Variants in AFG2A observed in about 807,000 individuals in gnomAD.
AFG2A encodes the protein AAA ATPase AFG2A, also known as ATPase family gene 2 protein homolog A.
the AFG2A span, among the ~76,000 whole-genome samples, chr4:123,004,034 C>T: frequency 0.012 from 1,848 of 152,268 alleles, 42 homozygotes; most frequent in African/African-American, 0.041. Flanking sequence ...TCCCCAGCCT[C>T]GCTGCCGCCT....
chr4:122,981,308 C>A, the AFG2A span, among the ~76,000 whole-genome samples: 1,071 of 152,088 alleles, frequency 7.0e-3, 11 homozygotes, highest in African/African-American at 0.024. Flanking sequence ...TTCTTCGGTA[C>A]CTTTGCAGAT....
chr4:123,159,501 C>T, the AFG2A span, among the ~76,000 whole-genome samples: 2 of 152,118 alleles, frequency 1.3e-5, no homozygotes, highest in African/African-American at 4.8e-5. Flanking sequence ...TATGCATTGT[C>T]TCTGATTTCT....
chr4:123,133,072 G>A, the AFG2A span, among the ~76,000 whole-genome samples: 15 of 152,086 alleles, frequency 9.9e-5, no homozygotes, highest in African/African-American at 3.4e-4. Flanking sequence ...GAGCCACTGC[G>A]CCCAGCCGAT....
chr4:122,939,893 GTCC>G, the AFG2A span, among the ~76,000 whole-genome samples: 16 of 151,982 alleles, frequency 1.1e-4, no homozygotes, highest in Admixed American at 9.8e-4. Flanking sequence ...TTGGTTTTTT[GTCC>G]TTGCGATAGT....
chr4:123,085,861 G>T, the AFG2A span, among the ~76,000 whole-genome samples: 1,636 of 151,118 alleles, frequency 0.011, 35 homozygotes, highest in South Asian at 0.096. Context: ...AGTTTTTTGG[G>T]TTTTTTTGTT....
the AFG2A span, among the ~76,000 whole-genome samples, chr4:123,139,475 G>A: frequency 6.6e-6 from 1 of 151,794 alleles, no homozygotes; most frequent in Non-Finnish European, 1.5e-5. Context: ...AATATTTGAA[G>A]ATTAAAACTT....
At chr4:123,010,865 C>T in the AFG2A span, among the ~76,000 whole-genome samples, 4 of 152,224 alleles carry the variant, frequency 2.6e-5, no homozygotes, top group African/African-American at 9.6e-5. Flanking sequence ...GAGCCAATTC[C>T]CTAGTTGGTT....
the AFG2A span, among the ~76,000 whole-genome samples, chr4:123,198,612 G>A: frequency 6.6e-6 from 1 of 152,044 alleles, no homozygotes; most frequent in African/African-American, 2.4e-5. Context: ...CCATTAATTA[G>A]GACCATTAAA....
chr4:123,288,238 G>A, the AFG2A span, among the ~76,000 whole-genome samples: 1 of 152,126 alleles, frequency 6.6e-6, no homozygotes, highest in African/African-American at 2.4e-5. Flanking sequence ...GCTCTTCCAA[G>A]GAGAGTTGCT....
the AFG2A span, chr4:122,923,446 G>A: frequency 1.8e-6 from 2 of 1,127,468 alleles, no homozygotes; most frequent in Non-Finnish European, 2.5e-6. Context: ...AAGCGTGTAA[G>A]ACTTCTGTAT....
the AFG2A span, among the ~76,000 whole-genome samples, chr4:123,308,559 TC>T: frequency 6.6e-6 from 1 of 152,128 alleles, no homozygotes; most frequent in Non-Finnish European, 1.5e-5. Context: ...GGTTGTGCAC[TC>T]CTTATGAGAG....
chr4:123,021,268 T>C, the AFG2A span, among the ~76,000 whole-genome samples: 4 of 152,040 alleles, frequency 2.6e-5, no homozygotes, highest in Non-Finnish European at 4.4e-5. Flanking sequence ...CTTTTTTTTT[T>C]TCTTTTTTTA....
the AFG2A span, among the ~76,000 whole-genome samples, chr4:123,073,197 A>G: frequency 1.3e-5 from 2 of 151,896 alleles, no homozygotes; most frequent in Admixed American, 6.6e-5. Flanking sequence ...GAAAAAAAAT[A>G]TGGTTACCTT....
chr4:123,165,609 A>G, the AFG2A span, among the ~76,000 whole-genome samples: 1 of 152,084 alleles, frequency 6.6e-6, no homozygotes, highest in South Asian at 2.1e-4. Context: ...TAGAATTTTT[A>G]AAAATATGGC....
chr4:123,242,249 G>GA, the AFG2A span, among the ~76,000 whole-genome samples: 2 of 152,128 alleles, frequency 1.3e-5, no homozygotes, highest in East Asian at 3.8e-4. Context: ...CACAGAATTG[G>GA]AAAAAACTAC....
chr4:123,248,258 A>G, the AFG2A span, among the ~76,000 whole-genome samples: 3 of 152,244 alleles, frequency 2.0e-5, no homozygotes, highest in Admixed American at 1.3e-4. Context: ...TTAATTAGCA[A>G]ATAATATAAT....
chr4:123,056,362 G>T, the AFG2A span: 1 of 1,602,040 alleles, frequency 6.2e-7, no homozygotes, highest in South Asian at 1.1e-5. Flanking sequence ...TAAAGACACT[G>T]AACAGTTGTT....
At chr4:123,136,465 G>A in the AFG2A span, among the ~76,000 whole-genome samples, 11 of 151,706 alleles carry the variant, frequency 7.3e-5, 1 homozygote, top group East Asian at 3.9e-4. Flanking sequence ...TCAGGAGATC[G>A]AGACCATCCT....
the AFG2A span, among the ~76,000 whole-genome samples, chr4:123,152,738 C>T: frequency 6.6e-6 from 1 of 152,182 alleles, no homozygotes; most frequent in African/African-American, 2.4e-5. Flanking sequence ...CATGATCCAA[C>T]AGTTGCGCTC....
Sources: gnomAD v4.1 joint callset for allele counts (sites outside exome capture counted in the v4.1 genomes callset) on GRCh38, gnomAD v4.1.1 for gene constraint, MANE v1.5 for transcripts, NCBI Gene and HGNC (gene_info 2026-07-23, HGNC 2026-07-21) for gene names.